The following GPR107 variants were observed in gnomAD, a reference collection of about 807,000 sequenced individuals.
GPR107 encodes the protein protein GPR107.
Under a neutral mutation model 75.5 loss-of-function variants are expected in GPR107, and 31 were observed. The ratio of observed to expected loss-of-function variants is 0.41; its 90% CI spans 0.31 to 0.55. The LOEUF is 0.55. GPR107 is among the 20% of genes least tolerant of loss of function. The pLI is 0.26. For missense variants in GPR107, 572 were observed against 665.7 expected (o/e 0.86, Z 1.55); for synonymous variants, 267 against 251.3 (o/e 1.06, Z -0.59).
intron 14 of GPR107, among the ~76,000 whole-genome samples, chr9:130,121,744 T>C (rs1831553610): frequency 6.6e-6 from 1 of 152,216 alleles, no homozygotes; most frequent in Admixed American, 6.5e-5. Flanking sequence ...TGGGAGCCCA[T>C]GCTTACCCCT....
intron 9 of GPR107, among the ~76,000 whole-genome samples, chr9:130,098,144 A>T (rs931699383): frequency 6.6e-6 from 1 of 152,142 alleles, no homozygotes; most frequent in Admixed American, 6.5e-5. Flanking sequence ...CAGCCTCCCT[A>T]AGTGTGGGAT....
chr9:130,061,095 T>TCTTA (rs1417837848), intron 1 of GPR107, among the ~76,000 whole-genome samples: 3 of 152,210 alleles, frequency 2.0e-5, no homozygotes, highest in Admixed American at 6.6e-5. Flanking sequence ...GCCTTCTGTC[T>TCTTA]CTTACTCATT....
intron 1 of GPR107, among the ~76,000 whole-genome samples, chr9:130,065,372 G>C (rs1022677348): frequency 1.3e-5 from 2 of 151,658 alleles, no homozygotes; most frequent in Admixed American, 1.3e-4. Context: ...AGGAGGCAAA[G>C]GTTACAGTGA....
chr9:130,110,018 G>C (rs1332015830), intron 14 of GPR107, among the ~76,000 whole-genome samples: 3 of 152,168 alleles, frequency 2.0e-5, no homozygotes, highest in Non-Finnish European at 4.4e-5. Flanking sequence ...AGGCTTACCT[G>C]TGTGTTTCTC....
intron 7 of GPR107, among the ~76,000 whole-genome samples, chr9:130,089,683 TC>T (rs1306212740): frequency 6.6e-6 from 1 of 152,316 alleles, no homozygotes; most frequent in Middle Eastern, 3.4e-3. Flanking sequence ...TTTTTAGACT[TC>T]CCCTGAATCT....
chr9:130,089,435 C>T (rs1830682761), intron 7 of GPR107, among the ~76,000 whole-genome samples: 1 of 152,178 alleles, frequency 6.6e-6, no homozygotes, highest in African/African-American at 2.4e-5. Flanking sequence ...CTGTTCTACC[C>T]AGTGTCTCCC....
intron 17 of GPR107, among the ~76,000 whole-genome samples, chr9:130,133,794 G>A (rs1489167535): frequency 6.6e-6 from 1 of 152,216 alleles, no homozygotes; most frequent in Non-Finnish European, 1.5e-5. Context: ...TGAGTCTAAA[G>A]GACTCGTTTG....
At chr9:130,062,659 TG>T (rs1564657716) in intron 1 of GPR107, among the ~76,000 whole-genome samples, 1,127 of 47,810 alleles carry the variant, frequency 0.024, 20 homozygotes, top group African/African-American at 0.046. Context: ...CCTGCCTGCC[TG>T]CCTTCCTTCC....
At chr9:130,099,342 G>T in intron 9 of GPR107, 115 bp from the exon 10 acceptor site, 1 of 658,254 alleles carries the variant, frequency 1.5e-6, no homozygotes. Flanking sequence ...TCATGTTTGT[G>T]GTTTGCACAG....
chr9:130,098,881 GC>G (rs34946477), intron 9 of GPR107, among the ~76,000 whole-genome samples: 47,849 of 151,868 alleles, frequency 0.32, 7,720 homozygotes, highest in Non-Finnish European at 0.37. Context: ...CTTGGCGCAC[GC>G]CTGTAATCCC....
In GPR107 at chr9:130,092,278, T is replaced by C. The variant is rs1373770594; in HGVS notation, c.760T>C (p.Tyr254His). The C allele has an allele frequency of 6.2e-7, 1 of 1,610,118 alleles. No homozygotes were observed. The highest frequency in any genetic ancestry group is 8.5e-7 in the Non-Finnish European group (1 of 1,176,282). The change falls in exon 9 of 18, where the codon TAC becomes CAC. Residue 254 changes from tyrosine to histidine, a missense_variant. By Grantham distance (83) the Tyr-to-His change is moderately conservative (BLOSUM62 2). Coordinates refer to ENST00000347136, the MANE Select transcript of GPR107 (RefSeq NM_020960.5). ...IEITEKNPDSYLSAGEIPLPK... is the reference protein window; with the variant it reads ...IEITEKNPDSHLSAGEIPLPK... Reference sequence around the variant, plus strand: ...GATCACAGAGAAGAATCCTGACAGCTACCTCTCAGCAGGAGAAATTCCTCT... The same window carrying C: ...GATCACAGAGAAGAATCCTGACAGCCACCTCTCAGCAGGAGAAATTCCTCT...
chr9:130,071,357 C>A (rs941888429), intron 1 of GPR107, among the ~76,000 whole-genome samples: 3 of 151,798 alleles, frequency 2.0e-5, no homozygotes, highest in African/African-American at 7.3e-5. Flanking sequence ...TCAAATGTTA[C>A]TGAATATAGC....
chr9:130,085,718 A>G (rs909365328), intron 6 of GPR107, among the ~76,000 whole-genome samples: 1 of 126,744 alleles, frequency 7.9e-6, no homozygotes, highest in Non-Finnish European at 1.7e-5. Flanking sequence ...ATTTCTTTTC[A>G]TTGCTCAGTT....
At chr9:130,124,987 C>T in intron 15 of GPR107, 23 bp downstream of exon 15, 1 of 1,130,332 alleles carries the variant, frequency 8.8e-7, no homozygotes, top group Non-Finnish European at 1.3e-6. Context: ...AAAAAAAATC[C>T]TCAATCTATA....
At chr9:130,063,549 ATTTG>A (rs1942160557) in intron 1 of GPR107, among the ~76,000 whole-genome samples, 1 of 151,740 alleles carries the variant, frequency 6.6e-6, no homozygotes, top group African/African-American at 2.4e-5. Context: ...TTTTCCTATT[ATTTG>A]TTTTTCTTCT....
intron 9 of GPR107, 54 bp from the exon 10 acceptor site, chr9:130,099,403 T>G: frequency 1.0e-6 from 1 of 975,728 alleles, no homozygotes; most frequent in Non-Finnish European, 1.7e-6. Flanking sequence ...GAGCTTTGGC[T>G]GTCCTTTGGG....
chr9:130,108,773 C>T (rs1831222904), intron 14 of GPR107: 1 of 455,676 alleles, frequency 2.2e-6, no homozygotes, highest in African/African-American at 2.0e-5. Flanking sequence ...TCAAAGATAC[C>T]AGGTTCCCTT....
In GPR107 at chr9:130,091,112, G is replaced by A. The variant is rs1830724064; in HGVS notation, c.729+129G>A. 5.6e-5 allele frequency: 35 copies of A among 630,362 alleles called. 1 individual carries two copies. In the South Asian group the frequency reaches 6.3e-4, roughly 11 times the overall value. 39.0% of individuals were successfully genotyped at this position (630,362 alleles called of 1,614,324 possible). On this transcript the variant is annotated intron_variant, in intron 8 of 17. Coordinates refer to ENST00000347136, the MANE Select transcript of GPR107 (RefSeq NM_020960.5). ...TGGGCAGACACACATTCCTGCCACT[G>A]TGCAGGATACTTCAGCAGAGGATTC...
At chr9:130,056,781 C>T (rs747462031) in intron 1 of GPR107, among the ~76,000 whole-genome samples, 6 of 151,516 alleles carry the variant, frequency 4.0e-5, no homozygotes, top group Non-Finnish European at 8.8e-5. Flanking sequence ...AAAAATTAGC[C>T]AGGCGTGGTG....
Sources: gnomAD v4.1 joint callset for allele counts (sites outside exome capture counted in the v4.1 genomes callset) on GRCh38, gnomAD v4.1.1 for gene constraint, MANE v1.5 for transcripts, NCBI Gene and HGNC (gene_info 2026-07-23, HGNC 2026-07-21) for gene names.